The following CAST variants were observed in gnomAD, a reference collection of about 807,000 sequenced individuals.
CAST encodes MIR583 host.
In CAST, 76 loss-of-function variants were observed where a neutral mutation model predicts 119.6. The observed-to-expected ratio is 0.64, with a 90% confidence interval of 0.53 to 0.77. The LOEUF is 0.77. Ranked by LOEUF, CAST falls within the 30% of genes least tolerant of loss-of-function variation. The pLI, the probability that CAST is intolerant of heterozygous loss-of-function variation, is 0.00. For synonymous variants in CAST, 319 were observed against 331.6 expected (o/e 0.96, Z 0.41); for missense variants, 953 against 946.5 (o/e 1.01, Z -0.09).
At position 96,726,795 on chromosome 5, in the gene CAST, C is replaced by A; in HGVS notation, c.272C>A (p.Ala91Asp). 3 of 1,609,872 alleles carry A rather than the reference C, an allele frequency of 1.9e-6. No homozygotes were observed. The highest frequency in any genetic ancestry group is 2.5e-6 in the Non-Finnish European group (3 of 1,176,508). Residue 91 changes from alanine (A) to aspartate (D), a missense_variant and splice_region_variant, in exon 5 of 32, where the codon GCC (alanine) becomes GAC (aspartate). Transcript: ENST00000675179. ...SSSMNPTETK[A>D]IPVSQQMEGP... The stretch of plus-strand genomic sequence containing the variant: ...CCTGGGGCTGTGCTCTTATATTAGG[C>A]CATTCCAGTCAGCCAACAGATGGAA...
At chr5:96,277,766 A>G in the CAST span, among the ~76,000 whole-genome samples, 6 of 151,398 alleles carry the variant, frequency 4.0e-5, no homozygotes, top group Non-Finnish European at 7.4e-5. Context: ...TTTTTTTCCC[A>G]CCAGAAGTAT....
Position 96,774,446 on chromosome 5 carries a change from G to A in CAST, c.*1830G>A, listed in dbSNP as rs990270585. 2.2e-6 allele frequency: 2 copies of A among 925,962 alleles called. No homozygotes were observed. Among genetic ancestry groups the A allele is most frequent in the Admixed American group, 6.2e-5 (1 of 16,218 alleles). The allele number at this position is 925,962 out of a possible 1,614,324, so 57.4% of individuals were successfully genotyped here. On this transcript the variant is annotated 3_prime_UTR_variant, in exon 32 of 32. Transcript: ENST00000675179. ...AGGATCTAAAGCAGCCCTTTTTACA[G>A]TCTAGTTAGGAGAGAGAAAATAATT...
At chr5:96,112,440 T>C in the CAST span, among the ~76,000 whole-genome samples, 4 of 152,198 alleles carry the variant, frequency 2.6e-5, no homozygotes, top group Non-Finnish European at 5.9e-5. Flanking sequence ...CTTACTCCCA[T>C]ATCCTCCACT....
chr5:96,587,595 A>C (rs1746883079), intron 1 of CAST, among the ~76,000 whole-genome samples: 1 of 152,230 alleles, frequency 6.6e-6, no homozygotes, highest in African/African-American at 2.4e-5. Context: ...CAGAAAGACC[A>C]GTAGGAAATG....
intron 1 of CAST, among the ~76,000 whole-genome samples, chr5:96,617,061 C>T (rs943934275): frequency 5.3e-5 from 8 of 152,202 alleles, no homozygotes; most frequent in Non-Finnish European, 1.2e-4. Context: ...CATAGGCTAA[C>T]ACACTGGGAC....
the CAST span, among the ~76,000 whole-genome samples, chr5:96,131,103 C>T: frequency 3.5e-3 from 531 of 152,002 alleles, 2 homozygotes; most frequent in African/African-American, 4.6e-3. Context: ...ACAACATTTT[C>T]AGTGGTGAAA....
chr5:95,965,260 C>G, the CAST span: 1 of 152,010 alleles, frequency 6.6e-6, no homozygotes, highest in Non-Finnish European at 1.5e-5. Flanking sequence ...AGCTGAGAAA[C>G]AAAGATTTTT....
At chr5:96,242,891 T>A in the CAST span, among the ~76,000 whole-genome samples, 1 of 152,198 alleles carries the variant, frequency 6.6e-6, no homozygotes, top group African/African-American at 2.4e-5. Context: ...ACTAACTGCT[T>A]TATGTGACTT....
At chr5:96,223,979 G>A in the CAST span, among the ~76,000 whole-genome samples, 64 of 152,166 alleles carry the variant, frequency 4.2e-4, 1 homozygote, top group East Asian at 6.4e-3. Flanking sequence ...AATTGGTCTC[G>A]GCAGAGTGGA....
At chr5:96,617,597 G>C (rs965132918) in intron 1 of CAST, among the ~76,000 whole-genome samples, 2 of 151,712 alleles carry the variant, frequency 1.3e-5, no homozygotes, top group South Asian at 4.2e-4. Context: ...AGACCATCCT[G>C]GCTAACACAG....
At chr5:96,048,256 T>C in the CAST span, among the ~76,000 whole-genome samples, 1 of 152,168 alleles carries the variant, frequency 6.6e-6, no homozygotes, top group Non-Finnish European at 1.5e-5. Context: ...AGCTCCAATA[T>C]GGAGAATGGC....
At chr5:96,341,107 CA>C in the CAST span, among the ~76,000 whole-genome samples, 1 of 152,164 alleles carries the variant, frequency 6.6e-6, no homozygotes, top group Non-Finnish European at 1.5e-5. Flanking sequence ...AGATTCTATG[CA>C]GAAGGATAAT....
the CAST span, among the ~76,000 whole-genome samples, chr5:96,214,641 G>T: frequency 6.6e-6 from 1 of 152,116 alleles, no homozygotes; most frequent in Non-Finnish European, 1.5e-5. Context: ...TGCAATCTTG[G>T]AGCTTACATT....
At chr5:96,040,223 G>T in the CAST span, among the ~76,000 whole-genome samples, 1 of 152,180 alleles carries the variant, frequency 6.6e-6, no homozygotes, top group Non-Finnish European at 1.5e-5. Flanking sequence ...CATTGATTTT[G>T]TATCCTGAGA....
upstream of CAST, among the ~76,000 whole-genome samples, chr5:96,658,448 G>A (rs1369956919): frequency 6.6e-6 from 1 of 152,132 alleles, no homozygotes; most frequent in African/African-American, 2.4e-5. Context: ...AGCTTTCCTA[G>A]GGTACTGCTC....
At chr5:96,405,305 T>A in the CAST span, among the ~76,000 whole-genome samples, 1 of 152,198 alleles carries the variant, frequency 6.6e-6, no homozygotes, top group Admixed American at 6.5e-5. Flanking sequence ...GAGAATCTGG[T>A]GAAACCTATA....
In CAST at chr5:96,694,328, C is replaced by T. The variant is rs1331878012; in HGVS notation, c.139-1508C>T. 2.0e-5 allele frequency among the ~76,000 whole-genome samples: 3 copies of T among 152,266 alleles called. No individual in the cohort carries two copies. In the East Asian group the frequency reaches 5.8e-4, roughly 29 times the overall value. ...ACTTTATTGACCTTGGAGCATATCA[C>T]CATTTTACATTATAAAGCTTTATAC... On this transcript the variant is annotated intron_variant, in intron 2 of 31. Transcript: ENST00000675179.
Position 96,663,407 on chromosome 5 carries a change from C to G in CAST, c.75+910C>G, listed in dbSNP as rs559297795. On this transcript the variant is annotated intron_variant, in intron 1 of 31. Transcript: ENST00000675179. ...GCGTGCGCGGCGCATGCACCTCTCT[C>G]GCCCCGATGTCAAGCACTATGCTCT... Among the ~76,000 whole-genome samples, 14 of 152,330 alleles carry G rather than the reference C, an allele frequency of 9.2e-5. No homozygotes were observed. In the South Asian group the frequency reaches 2.9e-3, roughly 32 times the overall value.
At chr5:96,744,823 A>G (rs898905603) in intron 16 of CAST, among the ~76,000 whole-genome samples, 1 of 152,208 alleles carries the variant, frequency 6.6e-6, no homozygotes, top group East Asian at 1.9e-4. Flanking sequence ...ACAATACTCC[A>G]GAGAGGAAAC....
Sources: gnomAD v4.1 joint callset for allele counts (sites outside exome capture counted in the v4.1 genomes callset) on GRCh38, gnomAD v4.1.1 for gene constraint, MANE v1.5 for transcripts, NCBI Gene and HGNC (gene_info 2026-07-23, HGNC 2026-07-21) for gene names.